The following TRAPPC9 variants were observed in gnomAD, a reference collection of about 807,000 sequenced individuals.
TRAPPC9 encodes the protein IKK2 binding protein.
TRAPPC9 carries 83 observed loss-of-function variants against 124.0 expected under a neutral mutation model. The observed-to-expected ratio is 0.67, with a 90% CI of 0.56 to 0.80. The LOEUF (loss-of-function observed/expected upper bound fraction) is 0.80. TRAPPC9 is among the 30% of genes least tolerant of loss of function. The probability of loss-of-function intolerance (pLI) is 0.00; values close to 1 mark genes in which losing one functional copy is unlikely to be tolerated. For missense variants in TRAPPC9, 1,302 were observed against 1,508.3 expected (o/e 0.86, Z 2.27); for synonymous variants, 638 against 617.5 (o/e 1.03, Z -0.49).
Position 139,742,737 on chromosome 8 carries a change from G to T in TRAPPC9, c.3056-10535C>A, listed in dbSNP as rs182291259. ...AGCATGCACGGTTGCTTTCAACTCTGATCTGCAGGCTGGGTGGGGGTAGGC... is the reference window on the plus strand; with the variant it reads ...AGCATGCACGGTTGCTTTCAACTCTTATCTGCAGGCTGGGTGGGGGTAGGC... On this transcript the variant is annotated intron_variant, in intron 21 of 22. Coordinates refer to ENST00000438773, the MANE Select transcript of TRAPPC9 (RefSeq NM_001160372.4). The surrounding 1 kb of genome is among the most constrained non-coding windows in gnomAD (Gnocchi z 4.7). 1.6e-4 allele frequency among the ~76,000 whole-genome samples: 24 copies of T among 152,308 alleles called. No homozygotes were observed. The highest frequency in any genetic ancestry group is 1.2e-3 in the Admixed American group (19 of 15,300).
At chr8:139,928,970 A>G (rs1011762037) in intron 19 of TRAPPC9, among the ~76,000 whole-genome samples, 1 of 151,600 alleles carries the variant, frequency 6.6e-6, no homozygotes, top group African/African-American at 2.4e-5. Context: ...ACGCCCCTCG[A>G]TGTTGCTTAC....
chr8:139,801,149 G>A (rs545077408), intron 21 of TRAPPC9, among the ~76,000 whole-genome samples: 5 of 152,158 alleles, frequency 3.3e-5, no homozygotes, highest in African/African-American at 9.6e-5. Context: ...GCAGCTGTCC[G>A]TTGATAGGAT....
intron 17 of TRAPPC9, among the ~76,000 whole-genome samples, chr8:140,134,285 G>A (rs746223302): frequency 3.1e-4 from 47 of 150,568 alleles, no homozygotes; most frequent in Admixed American, 1.7e-3. Flanking sequence ...TTTCTTTTCC[G>A]GGGCAGAGTC....
chr8:139,767,884 T>C (rs1008327861), intron 21 of TRAPPC9, among the ~76,000 whole-genome samples: 2 of 152,238 alleles, frequency 1.3e-5, no homozygotes, highest in Admixed American at 6.5e-5. Context: ...GATATTTTCA[T>C]ACATGGCTGA....
At chr8:139,989,703 G>A (rs531119924) in intron 18 of TRAPPC9, among the ~76,000 whole-genome samples, 24 of 152,286 alleles carry the variant, frequency 1.6e-4, no homozygotes, top group Admixed American at 3.3e-4. Context: ...CTTGAGAGCC[G>A]TCACTTCTTT....
At chr8:140,129,005 T>TATATATATATATATTAA (rs1563783126) in intron 17 of TRAPPC9, among the ~76,000 whole-genome samples, 15 of 134,722 alleles carry the variant, frequency 1.1e-4, no homozygotes, top group South Asian at 7.0e-4. Context: ...ATATATATAT[T>TATATATATATATATTAA]AAAAAAAAAA....
chr8:140,372,327 C>A (rs1488765251), intron 7 of TRAPPC9, among the ~76,000 whole-genome samples: 1 of 152,212 alleles, frequency 6.6e-6, no homozygotes, highest in African/African-American at 2.4e-5. Flanking sequence ...GAGTACAGAG[C>A]CTTAGCTTGA....
chr8:140,300,408 A>C, intron 11 of TRAPPC9, 61 bp downstream of exon 11: 1 of 1,610,782 alleles, frequency 6.2e-7, no homozygotes, highest in Non-Finnish European at 8.5e-7. Flanking sequence ...CTAAAAATCT[A>C]GAAAAGCCAT....
At chr8:140,220,009 A>C (rs1481765244) in intron 17 of TRAPPC9, among the ~76,000 whole-genome samples, 1 of 152,230 alleles carries the variant, frequency 6.6e-6, no homozygotes, top group Admixed American at 6.5e-5. Flanking sequence ...ACAAAGCTCC[A>C]GGGCACCTGG....
intron 17 of TRAPPC9, among the ~76,000 whole-genome samples, chr8:140,204,803 T>C (rs866588748): frequency 6.6e-6 from 1 of 152,174 alleles, no homozygotes; most frequent in Non-Finnish European, 1.5e-5. Context: ...CTTTTCTTTA[T>C]AAATTACCCA....
intron 17 of TRAPPC9, among the ~76,000 whole-genome samples, chr8:140,170,486 G>C (rs533012778): frequency 6.6e-6 from 1 of 152,260 alleles, no homozygotes; most frequent in Non-Finnish European, 1.5e-5. Context: ...TTGAGAATCT[G>C]ACACATGCCA....
chr8:139,953,940 T>A (rs1834820089), intron 19 of TRAPPC9, among the ~76,000 whole-genome samples: 1 of 152,240 alleles, frequency 6.6e-6, no homozygotes, highest in Non-Finnish European at 1.5e-5. Context: ...CATCCAATGC[T>A]GCAGACGATG....
chr8:139,952,064 C>T (rs1360997211), intron 19 of TRAPPC9, among the ~76,000 whole-genome samples: 1 of 152,196 alleles, frequency 6.6e-6, no homozygotes, highest in African/African-American at 2.4e-5. Context: ...ATCATCTCCT[C>T]AAGCTTAAAA....
chr8:139,851,420 C>T (rs569799472), intron 21 of TRAPPC9, among the ~76,000 whole-genome samples: 118 of 152,262 alleles, frequency 7.7e-4, no homozygotes, highest in South Asian at 3.3e-3. Flanking sequence ...ATCTTGACTC[C>T]GGGAGCTGTA....
chr8:140,085,667 C>T (rs1195167839), intron 17 of TRAPPC9, among the ~76,000 whole-genome samples: 1 of 152,158 alleles, frequency 6.6e-6, no homozygotes, highest in Non-Finnish European at 1.5e-5. Context: ...TCTGCTCTGC[C>T]TACTCACTTA....
At chr8:140,116,063 C>A (rs549552029) in intron 17 of TRAPPC9, among the ~76,000 whole-genome samples, 3 of 152,128 alleles carry the variant, frequency 2.0e-5, no homozygotes, top group Non-Finnish European at 2.9e-5. Context: ...GGGCAGCAGG[C>A]ACCTGGCAAA....
chr8:140,129,242 G>A (rs1028123809), intron 17 of TRAPPC9, among the ~76,000 whole-genome samples: 35 of 152,112 alleles, frequency 2.3e-4, no homozygotes, highest in African/African-American at 6.5e-4. Context: ...GCAGGTATCC[G>A]TGAGGAGGGG....
intron 21 of TRAPPC9, among the ~76,000 whole-genome samples, chr8:139,804,441 AC>A (rs1366248748): frequency 4.1e-5 from 5 of 122,510 alleles, no homozygotes; most frequent in African/African-American, 9.5e-5. Flanking sequence ...AAGCACCATC[AC>A]CACCACTCAC....
At chr8:140,423,140 T>G (rs553149476) in intron 5 of TRAPPC9, among the ~76,000 whole-genome samples, 1 of 152,158 alleles carries the variant, frequency 6.6e-6, no homozygotes, top group East Asian at 1.9e-4. Context: ...ATACACATAA[T>G]AGAATTTAAA....
Sources: gnomAD v4.1 joint callset for allele counts (sites outside exome capture counted in the v4.1 genomes callset) on GRCh38, gnomAD v4.1.1 for gene constraint, Gnocchi (gnomAD v3.1) non-coding constraint, MANE v1.5 for transcripts, NCBI Gene and HGNC (gene_info 2026-07-23, HGNC 2026-07-21) for gene names.